The following CLXN variants were observed in gnomAD, a reference collection of about 807,000 sequenced individuals.
CLXN encodes the protein EF-hand calcium binding domain 1.
the CLXN span, chr8:48,724,710 A>C: frequency 7.1e-6 from 11 of 1,542,490 alleles, no homozygotes; most frequent in Non-Finnish European, 8.8e-6. Flanking sequence ...CTCCTTTTTT[A>C]CTCACTTGAG....
At chr8:48,729,183 A>C in the CLXN span, 1 of 1,495,338 alleles carries the variant, frequency 6.7e-7, no homozygotes, top group Non-Finnish European at 9.2e-7. Flanking sequence ...AACACGTAAA[A>C]TGATTACTGC....
chr8:48,725,987 C>G, the CLXN span, among the ~76,000 whole-genome samples: 3 of 149,382 alleles, frequency 2.0e-5, no homozygotes, highest in East Asian at 6.0e-4. Flanking sequence ...CCCACCCACC[C>G]ACCTCACCAT....
At chr8:48,730,666 G>A in the CLXN span, 1 of 1,434,506 alleles carries the variant, frequency 7.0e-7, no homozygotes. Context: ...GAGGTTAAAT[G>A]GAACACCTGT....
the CLXN span, among the ~76,000 whole-genome samples, chr8:48,718,480 G>A: frequency 6.6e-6 from 1 of 152,084 alleles, no homozygotes; most frequent in East Asian, 1.9e-4. Context: ...TAACAGACAT[G>A]TACAGAACTT....
At chr8:48,728,338 T>G in the CLXN span, among the ~76,000 whole-genome samples, 3 of 152,208 alleles carry the variant, frequency 2.0e-5, no homozygotes, top group Admixed American at 6.5e-5. Context: ...ATTGCTCAGA[T>G]TATTTTTCCC....
chr8:48,719,754 C>T, the CLXN span, among the ~76,000 whole-genome samples: 9 of 152,142 alleles, frequency 5.9e-5, no homozygotes, highest in African/African-American at 1.9e-4. Flanking sequence ...AATAAGTACA[C>T]TAGGAACTTA....
the CLXN span, chr8:48,729,817 A>G: frequency 6.2e-7 from 1 of 1,613,422 alleles, no homozygotes; most frequent in Non-Finnish European, 8.5e-7. Context: ...CATGTGAAAC[A>G]TTTCCTCCTT....
chr8:48,723,176 G>A, the CLXN span, among the ~76,000 whole-genome samples: 2 of 152,200 alleles, frequency 1.3e-5, no homozygotes, highest in Non-Finnish European at 2.9e-5. Flanking sequence ...GTGTGAGGTG[G>A]TGTATGTGTT....
chr8:48,733,701 T>C, the CLXN span, among the ~76,000 whole-genome samples: 1 of 152,110 alleles, frequency 6.6e-6, no homozygotes, highest in Non-Finnish European at 1.5e-5. Context: ...AACAAAAAAA[T>C]CAAGAGCAGA....
the CLXN span, among the ~76,000 whole-genome samples, chr8:48,717,473 C>G: frequency 1.3e-5 from 2 of 152,142 alleles, no homozygotes; most frequent in African/African-American, 4.8e-5. Context: ...TAAAGTCTTT[C>G]CCAAATAAAC....
chr8:48,726,227 T>C, the CLXN span, among the ~76,000 whole-genome samples: 1 of 131,620 alleles, frequency 7.6e-6, no homozygotes, highest in Non-Finnish European at 1.6e-5. Context: ...ATTCACTTCA[T>C]CCATCCATCC....
At chr8:48,731,715 GA>G in the CLXN span, among the ~76,000 whole-genome samples, 150,907 of 152,208 alleles carry the variant, frequency 0.99, 74,810 homozygotes, top group Middle Eastern at 1. Context: ...CATGTTTAGG[GA>G]AAAAAATACG....
chr8:48,733,528 T>C, the CLXN span, among the ~76,000 whole-genome samples: 20 of 152,362 alleles, frequency 1.3e-4, no homozygotes, highest in African/African-American at 4.8e-4. Context: ...TGAATCTTGA[T>C]AGCTTTATTG....
At chr8:48,732,166 T>C in the CLXN span, among the ~76,000 whole-genome samples, 1 of 152,196 alleles carries the variant, frequency 6.6e-6, no homozygotes, top group Admixed American at 6.5e-5. Flanking sequence ...TAAAGGACCA[T>C]GGTTATAAAT....
the CLXN span, among the ~76,000 whole-genome samples, chr8:48,722,804 C>T: frequency 6.6e-6 from 1 of 151,936 alleles, no homozygotes; most frequent in East Asian, 1.9e-4. Flanking sequence ...AAATATCATT[C>T]TGCCTTTAAA....
chr8:48,724,843 A>T, the CLXN span: 14 of 1,548,254 alleles, frequency 9.0e-6, no homozygotes, highest in East Asian at 4.5e-5. Context: ...TTTCCAAAAA[A>T]GGTAGAACAC....
chr8:48,730,094 C>T, the CLXN span: 6 of 404,344 alleles, frequency 1.5e-5, no homozygotes, highest in South Asian at 3.4e-4. Context: ...GGAACAGTAA[C>T]TTGAATATCT....
the CLXN span, among the ~76,000 whole-genome samples, chr8:48,713,052 T>C: frequency 6.6e-6 from 1 of 150,690 alleles, no homozygotes; most frequent in Non-Finnish European, 1.5e-5. Context: ...TTGAGATATA[T>C]CTGTGAGAAG....
chr8:48,713,656 A>T, the CLXN span: 1 of 152,142 alleles, frequency 6.6e-6, no homozygotes, highest in South Asian at 2.1e-4. Flanking sequence ...ATCACTTTAC[A>T]TGGTGAATGG....
Sources: allele counts gnomAD v4.1 joint callset (sites outside exome capture counted in the v4.1 genomes callset), GRCh38; gene constraint gnomAD v4.1.1; transcripts MANE v1.5; gene names NCBI Gene and HGNC (gene_info 2026-07-23, HGNC 2026-07-21).